JAG1: variants seen among roughly 807,000 people sequenced by gnomAD.
JAG1 encodes protein jagged-1.
A neutral mutation model predicts 148.7 loss-of-function variants in JAG1; 23 were observed. That is an observed-to-expected ratio of 0.15 (90% CI 0.11 to 0.22). The LOEUF (loss-of-function observed/expected upper bound fraction) is 0.22. JAG1 is among the 10% of genes least tolerant of loss of function. The pLI is 1.00. For synonymous variants in JAG1, 572 were observed against 598.3 expected, an observed-to-expected ratio of 0.96 and a Z score of 0.64; for missense variants, 1,054 against 1,611.2, an observed-to-expected ratio of 0.65 and a Z score of 5.92.
At chr20:10,648,850 C>T in intron 11 of JAG1, 128 bp from the exon 12 acceptor site, 1 of 1,024,970 alleles carries the variant, frequency 9.8e-7, no homozygotes, top group African/African-American at 1.6e-5. Context: ...AATGCTAAAC[C>T]TCTGAAAGTG....
chr20:10,671,408 T>C (rs557905329), intron 2 of JAG1, among the ~76,000 whole-genome samples: 11 of 152,344 alleles, frequency 7.2e-5, no homozygotes, highest in Admixed American at 6.5e-4. Context: ...ATAACTGTCT[T>C]ATCTCACCCA....
chr20:10,664,935 G>A lies in JAG1; in HGVS notation c.388-921C>T, dbSNP rs145997755. 8.2e-3 allele frequency among the ~76,000 whole-genome samples: 1,249 copies of A among 152,020 alleles called. 10 individuals carry two copies. The highest frequency in any genetic ancestry group is 0.028 in the African/African-American group (1,173 of 41,410). On this transcript the variant is annotated intron_variant, in intron 2 of 25. Transcript: ENST00000254958. ...CCCTCCTTTTCTAAAATTTTCCTTC[G>A]TAATTTACAGTAAGGTCAGTCTCAC...
chr20:10,641,010 G>A, intron 24 of JAG1, 77 bp from the exon 25 acceptor site: 1 of 1,609,942 alleles, frequency 6.2e-7, no homozygotes, highest in East Asian at 2.2e-5. Context: ...TCGACAATCT[G>A]TGTCTGCAAA....
Position 10,650,225 on chromosome 20 carries a change from A to G in JAG1, c.1234+22T>C, listed in dbSNP as rs1294499312. On this transcript the variant is annotated intron_variant, in intron 9 of 25. Transcript: ENST00000254958. ...CAAAGCCAACCTTGGTATAAAAATT[A>G]CAGTCACAGGGATGTTCTTACCTAA... The G allele has an allele frequency of 2.7e-6, 4 of 1,485,522 alleles. No individual in the cohort carries two copies. The South Asian group carries it at 4.6e-5, about 17-fold the overall frequency. The allele number at this position is 1,485,522 out of a possible 1,614,324, so 92.0% of individuals were successfully genotyped here.
chr20:10,638,097 G>A lies in JAG1; in HGVS notation c.*1401C>T, dbSNP rs1414473402. On this transcript the variant is annotated 3_prime_UTR_variant, in exon 26 of 26. Transcript: ENST00000254958. Reference sequence around the variant, plus strand: ...ATAGGACAATACAAAGTATCTTCACGGTCTCAATGGTGAACCAACAAGATT... The same window carrying A: ...ATAGGACAATACAAAGTATCTTCACAGTCTCAATGGTGAACCAACAAGATT... 6.6e-6 allele frequency: 1 copy of A among 152,556 alleles called. No individual in the cohort carries two copies. Among genetic ancestry groups the A allele is most frequent in the Non-Finnish European group, 1.5e-5 (1 of 68,030 alleles). The allele number at this position is 152,556 out of a possible 1,614,324, so 9.5% of individuals were successfully genotyped here. A position where few individuals can be genotyped will look rare whatever the true frequency, so the allele number is the denominator to read the frequency against.
Position 10,661,217 on chromosome 20 carries a change from G to A in JAG1, c.440-2495C>T, listed in dbSNP as rs73898807. ...CAGCACCTAGGCTATATTTGGGCCC[G>A]AGTCTGCCTGTGAGGGCTCACTGCA... On this transcript the variant is annotated intron_variant, in intron 3 of 25. Coordinates refer to ENST00000254958, the MANE Select transcript of JAG1 (RefSeq NM_000214.3). 4.0e-3 allele frequency among the ~76,000 whole-genome samples: 612 copies of A among 152,206 alleles called. 3 individuals are homozygous for A. The highest frequency in any genetic ancestry group is 0.014 in the African/African-American group (585 of 41,516).
At chr20:10,644,278 A>ACG (rs2067292788) in intron 19 of JAG1, 79 bp downstream of exon 19, 1 of 191,274 alleles carries the variant, frequency 5.2e-6, no homozygotes, top group African/African-American at 4.2e-5. Flanking sequence ...GGTGATTCTC[A>ACG]CACACACACA....
intron 3 of JAG1, chr20:10,662,223 C>T (rs1228104381): frequency 3.3e-5 from 5 of 152,168 alleles, no homozygotes; most frequent in Non-Finnish European, 7.3e-5. Flanking sequence ...TTGTCCTCTT[C>T]CAGGGATTTG....
chr20:10,654,144 G>A (rs945259362), intron 5 of JAG1, among the ~76,000 whole-genome samples: 4 of 152,184 alleles, frequency 2.6e-5, no homozygotes, highest in African/African-American at 4.8e-5. Flanking sequence ...TATTCTCACC[G>A]TCTTCCCTTA....
At chr20:10,651,335 G>T in intron 8 of JAG1, 1 of 469,098 alleles carries the variant, frequency 2.1e-6, no homozygotes. Flanking sequence ...CAGATGCAAA[G>T]GAACAAGCGA....
In JAG1 at chr20:10,644,932, A is replaced by T. The variant is rs970780314; in HGVS notation, c.2275T>A (p.Cys759Ser). The change falls in exon 18 of 26, where the codon TGT (cysteine) becomes AGT (serine). Residue 759 changes from cysteine to serine, a missense_variant. Transcript: ENST00000254958. ...GTAAAGGACTCGCCGTTGACCACACATGTGCCCCCATTATGGCAGGGGTTG... is the reference window on the plus strand; with the variant it reads ...GTAAAGGACTCGCCGTTGACCACACTTGTGCCCCCATTATGGCAGGGGTTG... ...LPNPCHNGGT[C>S]VVNGESFTCV... 1 of 1,613,930 alleles carries T rather than the reference A, an allele frequency of 6.2e-7. No homozygotes were observed. Among genetic ancestry groups the T allele is most frequent in the African/African-American group, 1.3e-5 (1 of 74,878 alleles).
chr20:10,645,936 A>G lies in JAG1; in HGVS notation c.1999+35T>C, dbSNP rs1364681856. ...GTGGGATCCCTCCAACATGACCCAT[A>G]CATCCCAGAGCTCCCCAAAGAGTGG... On this transcript the variant is annotated intron_variant, in intron 15 of 25. Coordinates refer to ENST00000254958, the MANE Select transcript of JAG1 (RefSeq NM_000214.3). The surrounding 1 kb of genome is among the most constrained non-coding windows in gnomAD (Gnocchi z 6.1). The G allele has an allele frequency of 2.9e-6, 4 of 1,401,780 alleles. No homozygotes were observed. Among genetic ancestry groups the G allele is most frequent in the Non-Finnish European group, 3.0e-6 (3 of 986,222 alleles). The allele number at this position is 1,401,780 out of a possible 1,614,324, so 86.8% of individuals were successfully genotyped here.
chr20:10,641,893 C>T lies in JAG1; in HGVS notation c.2573-1G>A. On this transcript the variant is annotated splice_acceptor_variant, in intron 21 of 25. Transcript: ENST00000254958. LOFTEE classifies it high-confidence loss of function. ...ATGGTGATGCAAGGTCTCCCTGAAACTGACAGGTGGAGACGGGTGAGCAGT... is the reference window on the plus strand; with the variant it reads ...ATGGTGATGCAAGGTCTCCCTGAAATTGACAGGTGGAGACGGGTGAGCAGT... 6.3e-7 allele frequency: 1 copy of T among 1,598,650 alleles called. No homozygotes were observed.
chr20:10,647,062 G>A lies in JAG1; in HGVS notation c.1762C>T (p.Pro588Ser), dbSNP rs1321273663. 1 of 1,614,202 alleles carries A rather than the reference G, an allele frequency of 6.2e-7. No homozygotes were observed. Residue 588 changes from proline (P) to serine (S), a missense_variant, in exon 14 of 26, where the codon CCT becomes TCT. This residue lies in a region of JAG1 where 245 missense variants were observed against 373.1 expected (regional missense o/e 0.66). Transcript: ENST00000254958. Reference protein sequence around the residue: ...CTVAMASNDTPEGVRYISSNV... With the variant: ...CTVAMASNDTSEGVRYISSNV... ...GAGGAAATATACCGCACCCCTTCAG[G>A]TGTGTCGTTGGAAGCCATGGCCACT... is the stretch of plus-strand genomic sequence containing the variant.
Position 10,643,830 on chromosome 20 carries a change from G to A in JAG1, c.2406C>T (p.Asn802=). 1 of 1,614,126 alleles carries A rather than the reference G, an allele frequency of 6.2e-7. No individual in the cohort carries two copies. Among genetic ancestry groups the A allele is most frequent in the Non-Finnish European group, 8.5e-7 (1 of 1,180,024 alleles). ...CCGGGGCACATTCGCACCGGTACCAGTTGTCTCCATCCACACAGGTGCCGC... is the reference window on the plus strand; with the variant it reads ...CCGGGGCACATTCGCACCGGTACCAATTGTCTCCATCCACACAGGTGCCGC... ...YNSGTCVDGD[N]WYRCECAPGF... The change falls in exon 20 of 26, where the codon AAC becomes AAT. Residue 802 remains asparagine (N), a synonymous_variant. Coordinates refer to ENST00000254958, the MANE Select transcript of JAG1 (RefSeq NM_000214.3).
intron 3 of JAG1, among the ~76,000 whole-genome samples, chr20:10,662,033 G>C (rs2067420765): frequency 6.6e-6 from 1 of 152,210 alleles, no homozygotes; most frequent in African/African-American, 2.4e-5. Context: ...CCTGAGTTTG[G>C]TTTTGACTGT....
Position 10,639,389 on chromosome 20 carries a change from A to T in JAG1, c.*109T>A. 1 of 1,036,574 alleles carries T rather than the reference A, an allele frequency of 9.6e-7. No homozygotes were observed. The highest frequency in any genetic ancestry group is 1.5e-6 in the Non-Finnish European group (1 of 654,788). 64.2% of individuals were successfully genotyped at this position (1,036,574 alleles called of 1,614,324 possible). On this transcript the variant is annotated 3_prime_UTR_variant, in exon 26 of 26. Coordinates refer to ENST00000254958, the MANE Select transcript of JAG1 (RefSeq NM_000214.3). ...AAGCCAGCTTGTCAAAACTTAAATT[A>T]ACACAGGGATTCTAAGTCAGCAACG... is the stretch of plus-strand genomic sequence containing the variant.
rs1436726865 is a variant in JAG1 at position 10,647,049 on chromosome 20, C to T, written c.1775G>A (p.Arg592Gln). The change falls in exon 14 of 26, where the codon CGG becomes CAG. Residue 592 changes from arginine to glutamine, a missense_variant. Coordinates refer to ENST00000254958, the MANE Select transcript of JAG1 (RefSeq NM_000214.3). ...MASNDTPEGV[R>Q]YISSNVCGPH... is the part of the protein sequence containing the mutation. The stretch of plus-strand genomic sequence containing the variant: ...ACCACAGACGTTGGAGGAAATATAC[C>T]GCACCCCTTCAGGTGTGTCGTTGGA... 5.0e-6 allele frequency: 8 copies of T among 1,614,034 alleles called. No individual in the cohort carries two copies. Among genetic ancestry groups the T allele is most frequent in the East Asian group, 2.2e-5 (1 of 44,876 alleles).
chr20:10,639,751 G>C lies in JAG1; in HGVS notation c.3404C>G (p.Pro1135Arg), dbSNP rs1286555822. The C allele has an allele frequency of 1.2e-6, 2 of 1,614,108 alleles. No individual in the cohort carries two copies. Reference protein sequence around the residue: ...PIEKHGANTVPIKDYENKNSK... With the variant: ...PIEKHGANTVRIKDYENKNSK... ...GTTCTTGTTCTCATAATCCTTGATG[G>C]GGACCGTGTTGGCCCCATGTTTCTC... Residue 1135 changes from proline to arginine, a missense_variant, in exon 26 of 26, where the codon CCC becomes CGC. Pro to Arg is a moderately radical substitution (Grantham distance 103). Transcript: ENST00000254958.
Sources: gnomAD v4.1 joint callset for allele counts (sites outside exome capture counted in the v4.1 genomes callset) on GRCh38, gnomAD v4.1.1 for gene constraint, gnomAD v4.1.1 regional missense constraint, Gnocchi (gnomAD v3.1) non-coding constraint, MANE v1.5 for transcripts, NCBI Gene and HGNC (gene_info 2026-07-23, HGNC 2026-07-21) for gene names.